Variants in PARP8 observed in about 807,000 individuals in gnomAD.
PARP8 encodes poly(ADP-ribose) polymerase family member 8, also known as protein mono-ADP-ribosyltransferase PARP8.
In PARP8, 51 loss-of-function variants were observed where a neutral mutation model predicts 124.1. The ratio of observed to expected loss-of-function variants is 0.41; its 90% confidence interval spans 0.33 to 0.52. The LOEUF (loss-of-function observed/expected upper bound fraction) is 0.52, where lower values mean the gene tolerates loss of function less well. PARP8 is among the 20% of genes least tolerant of loss of function. PARP8 has a pLI of 0.21. For synonymous variants in PARP8, 391 were observed against 361.5 expected (o/e 1.08, Z -0.93); for missense variants, 860 against 1,018.9 (o/e 0.84, Z 2.12).
At chr5:50,685,689 C>T (rs1265358988) in intron 2 of PARP8, among the ~76,000 whole-genome samples, 1 of 152,146 alleles carries the variant, frequency 6.6e-6, no homozygotes, top group Admixed American at 6.5e-5. Context: ...TAAAGACATA[C>T]CCATGACTGG....
At chr5:50,675,058 G>C (rs988169925) in intron 2 of PARP8, among the ~76,000 whole-genome samples, 2 of 152,198 alleles carry the variant, frequency 1.3e-5, no homozygotes, top group Admixed American at 6.5e-5. Flanking sequence ...GTTTGTGGCT[G>C]ATACCCTCTT....
chr5:50,758,247 G>T (rs1354970801), intron 3 of PARP8, among the ~76,000 whole-genome samples: 2 of 152,066 alleles, frequency 1.3e-5, no homozygotes, highest in African/African-American at 2.4e-5. Context: ...AACCTCACAT[G>T]CTCCATGAAA....
chr5:50,774,729 T>C (rs1381230190), intron 7 of PARP8, among the ~76,000 whole-genome samples: 1 of 118,078 alleles, frequency 8.5e-6, no homozygotes, highest in African/African-American at 3.4e-5. Flanking sequence ...GCAGAGGCAC[T>C]CCTCATTTCC....
chr5:50,691,377 A>C (rs1284031527), intron 2 of PARP8, among the ~76,000 whole-genome samples: 1 of 152,130 alleles, frequency 6.6e-6, no homozygotes, highest in East Asian at 1.9e-4. Context: ...TCACTGGTGG[A>C]ATGTCTCCTT....
intron 2 of PARP8, among the ~76,000 whole-genome samples, chr5:50,680,058 A>G (rs1010627693): frequency 1.1e-4 from 16 of 152,134 alleles, no homozygotes; most frequent in Admixed American, 7.2e-4. Flanking sequence ...CTCACGATTT[A>G]TATGTTTGAG....
At chr5:50,825,555 G>A (rs186989484) in intron 18 of PARP8, among the ~76,000 whole-genome samples, 12 of 152,258 alleles carry the variant, frequency 7.9e-5, no homozygotes, top group Admixed American at 5.2e-4. Flanking sequence ...AAGTCACCTT[G>A]CTGTGATGCC....
chr5:50,791,009 A>G (rs1447384614), intron 10 of PARP8, among the ~76,000 whole-genome samples: 1 of 152,144 alleles, frequency 6.6e-6, no homozygotes, highest in Non-Finnish European at 1.5e-5. Flanking sequence ...CATCCTCACA[A>G]TAATTTATAA....
chr5:50,717,703 G>A (rs1236991417), intron 2 of PARP8, among the ~76,000 whole-genome samples: 1 of 151,956 alleles, frequency 6.6e-6, no homozygotes, highest in Non-Finnish European at 1.5e-5. Flanking sequence ...CATAGAAACT[G>A]AGAGATCATG....
intron 2 of PARP8, among the ~76,000 whole-genome samples, chr5:50,739,905 C>T (rs540159640): frequency 1.6e-3 from 241 of 151,294 alleles, no homozygotes; most frequent in African/African-American, 5.5e-3. Flanking sequence ...CCCACCACCA[C>T]GCCTGGCTAA....
At chr5:50,813,195 T>G (rs1241853984) in intron 14 of PARP8, among the ~76,000 whole-genome samples, 1 of 152,178 alleles carries the variant, frequency 6.6e-6, no homozygotes, top group African/African-American at 2.4e-5. Context: ...GTATGGCTAT[T>G]TTCACGAAAT....
chr5:50,743,034 T>C (rs966954312), intron 2 of PARP8, among the ~76,000 whole-genome samples: 1 of 152,160 alleles, frequency 6.6e-6, no homozygotes, highest in African/African-American at 2.4e-5. Flanking sequence ...GGGAAAATTA[T>C]AAAATTGTGG....
intron 3 of PARP8, among the ~76,000 whole-genome samples, chr5:50,751,251 G>A (rs1413037482): frequency 3.9e-5 from 6 of 152,086 alleles, no homozygotes; most frequent in Non-Finnish European, 8.8e-5. Flanking sequence ...TGGCCAAGAG[G>A]TATTACTTGG....
intron 12 of PARP8, 50 bp downstream of exon 12, chr5:50,795,467 T>C: frequency 6.9e-7 from 1 of 1,450,442 alleles, no homozygotes; most frequent in Non-Finnish European, 9.2e-7. Flanking sequence ...TAAGGTGCAG[T>C]AGAATTTTTT....
chr5:50,670,907 G>A (rs1490295749), intron 2 of PARP8, among the ~76,000 whole-genome samples: 2 of 152,154 alleles, frequency 1.3e-5, no homozygotes, highest in Non-Finnish European at 2.9e-5. Flanking sequence ...GTTATAAGTA[G>A]CATTTACATA....
At chr5:50,675,521 G>A (rs1431323591) in intron 2 of PARP8, among the ~76,000 whole-genome samples, 2 of 152,140 alleles carry the variant, frequency 1.3e-5, no homozygotes, top group Non-Finnish European at 2.9e-5. Context: ...TGGCCAGGTT[G>A]GTCTCGAACT....
At chr5:50,763,044 A>G in intron 6 of PARP8, 104 bp from the exon 7 acceptor site, 1 of 752,892 alleles carries the variant, frequency 1.3e-6, no homozygotes, top group South Asian at 1.6e-5. Context: ...TTGAAGCTAA[A>G]AATGCCCATG....
chr5:50,828,184 G>C (rs2149712223), intron 20 of PARP8, 128 bp downstream of exon 20: 3 of 1,130,582 alleles, frequency 2.7e-6, no homozygotes, highest in Non-Finnish European at 4.0e-6. Flanking sequence ...TGGTCATGTA[G>C]TCAACTACAT....
intron 2 of PARP8, among the ~76,000 whole-genome samples, chr5:50,749,087 G>A (rs1225519305): frequency 6.6e-6 from 1 of 152,066 alleles, no homozygotes; most frequent in Non-Finnish European, 1.5e-5. Context: ...ACATTATGGT[G>A]GGCTAATCCC....
intron 2 of PARP8, among the ~76,000 whole-genome samples, chr5:50,670,710 A>G (rs1579889928): frequency 1.3e-5 from 2 of 152,220 alleles, no homozygotes; most frequent in African/African-American, 2.4e-5. Flanking sequence ...TTTAAGACAC[A>G]TAGTCACTTT....
Sources: gnomAD v4.1 joint callset for allele counts (sites outside exome capture counted in the v4.1 genomes callset) on GRCh38, gnomAD v4.1.1 for gene constraint, MANE v1.5 for transcripts, NCBI Gene and HGNC (gene_info 2026-07-23, HGNC 2026-07-21) for gene names.